Variants in CDH13 observed in about 807,000 individuals in gnomAD.
CDH13 encodes the protein cadherin-13.
A neutral mutation model predicts 63.8 loss-of-function variants in CDH13; 24 were observed. The observed-to-expected ratio is 0.38, with a 90% CI of 0.27 to 0.53. CDH13 has a LOEUF of 0.53. Ranked by LOEUF, CDH13 falls within the 20% of genes least tolerant of loss-of-function variation. CDH13 has a pLI of 0.85. For synonymous variants in CDH13, 503 were observed against 355.3 expected (o/e 1.42, Z -4.67); for missense variants, 1,049 against 903.1 (o/e 1.16, Z -2.07).
intron 1 of CDH13, among the ~76,000 whole-genome samples, chr16:82,832,694 C>T (rs1475131742): frequency 3.3e-5 from 5 of 150,766 alleles, no homozygotes; most frequent in Non-Finnish European, 5.9e-5. Flanking sequence ...GAAATTGTTT[C>T]AGTAACATTG....
intron 1 of CDH13, among the ~76,000 whole-genome samples, chr16:82,699,960 C>T (rs1420786172): frequency 6.6e-6 from 1 of 152,210 alleles, no homozygotes; most frequent in African/African-American, 2.4e-5. Flanking sequence ...GGGCATTTGC[C>T]TGCAAGTTGC....
chr16:83,287,162 C>T (rs188780716), intron 5 of CDH13, among the ~76,000 whole-genome samples: 20 of 152,276 alleles, frequency 1.3e-4, no homozygotes, highest in Non-Finnish European at 1.8e-4. Context: ...GGAAGTCCAA[C>T]GTAGAGAAAG....
rs539945709 is a variant in CDH13 at position 82,865,052 on chromosome 16, T to C, written c.157+6579T>C. On this transcript the variant is annotated intron_variant, in intron 2 of 13. Transcript: ENST00000567109. ...TCTGAAATGATCTTCTTTGACTCTG[T>C]GTCTCACATACAGGTCACCCTGATG... Among the ~76,000 whole-genome samples, 4 of 152,360 alleles carry C rather than the reference T, an allele frequency of 2.6e-5. No individual in the cohort carries two copies. In the South Asian group the frequency reaches 8.3e-4, roughly 32 times the overall value.
chr16:83,406,217 T>C (rs2092042258), intron 6 of CDH13, among the ~76,000 whole-genome samples: 1 of 152,190 alleles, frequency 6.6e-6, no homozygotes, highest in African/African-American at 2.4e-5. Flanking sequence ...AGGACTGAGC[T>C]GCGGTAGCGC....
chr16:83,191,530 C>CACATATATATATAT (rs1334419994), intron 4 of CDH13, among the ~76,000 whole-genome samples: 1 of 74,380 alleles, frequency 1.3e-5, no homozygotes, highest in Non-Finnish European at 2.4e-5. Context: ...CACACACACA[C>CACATATATATATAT]ATATATATAT....
chr16:83,743,920 G>A (rs1479427940), intron 10 of CDH13, among the ~76,000 whole-genome samples: 2 of 151,772 alleles, frequency 1.3e-5, no homozygotes, highest in Admixed American at 6.6e-5. Flanking sequence ...ACTGTGTACC[G>A]AGAAGCCCAG....
At chr16:82,925,054 T>G (rs1404617932) in intron 2 of CDH13, among the ~76,000 whole-genome samples, 1 of 152,172 alleles carries the variant, frequency 6.6e-6, no homozygotes, top group Non-Finnish European at 1.5e-5. Flanking sequence ...CTTCCATTAA[T>G]CATCTTAAGA....
rs543760928 is a variant in CDH13 at position 82,627,149 on chromosome 16, G to C, written c.45+12G>C. ...TTCTCCTGTCCCAGGTAGGGAAGAG[G>C]GGCTGCCGGGCGCGCTCTGCGCCCC... On this transcript the variant is annotated intron_variant, in intron 1 of 13. Coordinates refer to ENST00000567109, the MANE Select transcript of CDH13 (RefSeq NM_001257.5). The C allele has an allele frequency of 6.9e-6, 11 of 1,601,568 alleles. No homozygotes were observed. The African/African-American group carries it at 1.1e-4, about 16-fold the overall frequency.
Position 83,490,009 on chromosome 16 carries a change from C to CCACACACA in CDH13, c.960+3387_960+3394dup, listed in dbSNP as rs10666213. Reference sequence around the variant, plus strand: ...CCTTCAAGAGCAGGAGCTGCAGAAACCACACACACACACACACACACACAC... The same window carrying CCACACACA: ...CCTTCAAGAGCAGGAGCTGCAGAAACCACACACACACACACACACACACACACACACAC... On this transcript the variant is annotated intron_variant, in intron 7 of 13. Transcript: ENST00000567109. 2.8e-3 allele frequency among the ~76,000 whole-genome samples: 379 copies of CCACACACA among 137,372 alleles called. 1 individual carries two copies. The highest frequency in any genetic ancestry group is 5.1e-3 in the African/African-American group (185 of 36,140). 90.1% of individuals were successfully genotyped at this position (137,372 alleles called of 152,430 possible).
At chr16:83,111,396 C>T (rs965690347) in intron 3 of CDH13, among the ~76,000 whole-genome samples, 3 of 152,112 alleles carry the variant, frequency 2.0e-5, no homozygotes, top group African/African-American at 4.8e-5. Flanking sequence ...GGAGAGGTGA[C>T]ATTTAGACTA....
intron 6 of CDH13, among the ~76,000 whole-genome samples, chr16:83,411,449 C>G (rs2092124497): frequency 6.6e-6 from 1 of 152,186 alleles, no homozygotes; most frequent in Admixed American, 6.5e-5. Flanking sequence ...AAGCATGGGC[C>G]TTGTCTCTCT....
intron 7 of CDH13, among the ~76,000 whole-genome samples, chr16:83,531,425 C>T (rs1266304204): frequency 6.6e-6 from 1 of 152,196 alleles, no homozygotes; most frequent in African/African-American, 2.4e-5. Flanking sequence ...TACACAGCAA[C>T]AGAGACTTTG....
At chr16:83,262,355 C>T (rs900402842) in intron 5 of CDH13, among the ~76,000 whole-genome samples, 1 of 152,086 alleles carries the variant, frequency 6.6e-6, no homozygotes, top group South Asian at 2.1e-4. Context: ...ACTCTGAGAG[C>T]CAGAGGAATC....
chr16:82,922,747 A>T (rs899195169), intron 2 of CDH13, among the ~76,000 whole-genome samples: 1 of 152,148 alleles, frequency 6.6e-6, no homozygotes, highest in Admixed American at 6.6e-5. Context: ...TAGTCAAATC[A>T]TGTGCCCGAG....
intron 4 of CDH13, among the ~76,000 whole-genome samples, chr16:83,210,875 C>T (rs112990248): frequency 2.0e-5 from 3 of 150,810 alleles, no homozygotes; most frequent in African/African-American, 4.9e-5. Flanking sequence ...AGAGGCCGGG[C>T]GTGGTGGCTC....
At chr16:83,215,967 C>T (rs1305361507) in intron 4 of CDH13, among the ~76,000 whole-genome samples, 2 of 151,796 alleles carry the variant, frequency 1.3e-5, no homozygotes, top group Non-Finnish European at 2.9e-5. Context: ...TCTTTAGTTG[C>T]ACATCTACAT....
At chr16:83,235,028 C>G (rs904505877) in intron 5 of CDH13, among the ~76,000 whole-genome samples, 1 of 152,112 alleles carries the variant, frequency 6.6e-6, no homozygotes, top group African/African-American at 2.4e-5. Context: ...GATTCCATCT[C>G]TACAAAGTAA....
intron 2 of CDH13, among the ~76,000 whole-genome samples, chr16:82,870,288 T>G (rs1027590548): frequency 2.0e-5 from 3 of 152,120 alleles, no homozygotes; most frequent in African/African-American, 7.2e-5. Context: ...GCAGTTAAAA[T>G]GGCTTTTATC....
At chr16:83,655,307 T>A (rs1912772292) in intron 8 of CDH13, 2 of 152,206 alleles carry the variant, frequency 1.3e-5, no homozygotes, top group South Asian at 2.1e-4. Context: ...TTCACCAGAA[T>A]CACCTATGGA....
Sources: gnomAD v4.1 joint callset for allele counts (sites outside exome capture counted in the v4.1 genomes callset) on GRCh38, gnomAD v4.1.1 for gene constraint, MANE v1.5 for transcripts, NCBI Gene and HGNC (gene_info 2026-07-23, HGNC 2026-07-21) for gene names.